INPP5F: variants seen among roughly 807,000 people sequenced by gnomAD.
INPP5F encodes phosphatidylinositide 4-phosphatase SAC2.
Under a neutral mutation model 137.2 loss-of-function variants are expected in INPP5F, and 97 were observed. The ratio of observed to expected loss-of-function variants is 0.71; its 90% CI spans 0.60 to 0.84. The LOEUF is 0.84. Among genes scored for constraint, INPP5F ranks in the 40% least tolerant of loss-of-function variants. The pLI is 0.00. For missense variants in INPP5F, 1,271 were observed against 1,371.9 expected (o/e 0.93, Z 1.16); for synonymous variants, 504 against 476.9 (o/e 1.06, Z -0.74).
At chr10:119,731,307 GT>G (rs1848057533) in intron 1 of INPP5F, among the ~76,000 whole-genome samples, 1 of 150,348 alleles carries the variant, frequency 6.7e-6, no homozygotes, top group African/African-American at 2.4e-5. Context: ...TTTATTTGGA[GT>G]TTTGTGGCAT....
At chr10:119,757,653 CT>C (rs1322345674) in intron 2 of INPP5F, among the ~76,000 whole-genome samples, 1 of 151,558 alleles carries the variant, frequency 6.6e-6, no homozygotes, top group Non-Finnish European at 1.5e-5. Flanking sequence ...TAGCTGGACA[CT>C]GTGGCATGCG....
At chr10:119,790,344 T>C (rs946255615) in intron 3 of INPP5F, among the ~76,000 whole-genome samples, 1 of 152,090 alleles carries the variant, frequency 6.6e-6, no homozygotes, top group African/African-American at 2.4e-5. Context: ...GTAATAGGAG[T>C]ATAAAGCTTT....
intron 2 of INPP5F, among the ~76,000 whole-genome samples, chr10:119,757,482 C>T (rs1848883625): frequency 6.6e-6 from 1 of 151,670 alleles, no homozygotes; most frequent in East Asian, 1.9e-4. Flanking sequence ...TTGTAGTATC[C>T]AGGAGGAAAT....
intron 1 of INPP5F, among the ~76,000 whole-genome samples, chr10:119,742,249 G>A (rs567350820): frequency 1.3e-5 from 2 of 151,652 alleles, no homozygotes; most frequent in Admixed American, 6.6e-5. Context: ...TCTGCCTCCC[G>A]GGTTCAAGCA....
At chr10:119,764,480 C>T (rs1261781950) in intron 2 of INPP5F, among the ~76,000 whole-genome samples, 2 of 152,162 alleles carry the variant, frequency 1.3e-5, no homozygotes, top group African/African-American at 2.4e-5. Context: ...CTCATCCTTC[C>T]TCTTCCTCAG....
intron 15 of INPP5F, among the ~76,000 whole-genome samples, chr10:119,817,215 A>G (rs1470591350): frequency 6.6e-6 from 1 of 152,162 alleles, no homozygotes; most frequent in Non-Finnish European, 1.5e-5. Flanking sequence ...TATAGACCAC[A>G]TTTTGTTCAT....
intron 1 of INPP5F, among the ~76,000 whole-genome samples, chr10:119,738,400 T>G (rs966307380): frequency 2.0e-5 from 3 of 152,232 alleles, no homozygotes; most frequent in African/African-American, 7.2e-5. Flanking sequence ...ACAATACATT[T>G]GTTGGATTAG....
In INPP5F at chr10:119,796,856, G is replaced by A; in HGVS notation, c.811G>A (p.Asp271Asn). 1 of 1,613,794 alleles carries A rather than the reference G, an allele frequency of 6.2e-7. No homozygotes were observed. Among genetic ancestry groups the A allele is most frequent in the Non-Finnish European group, 8.5e-7 (1 of 1,179,910 alleles). The stretch of plus-strand genomic sequence containing the variant: ...CCCTCAGGAGTCCACCTGTGTAGAT[G>A]ATATTCACCCACGATTTCTAGTGGC... The part of the protein sequence containing the change: ...TPPQESTCVD[D>N]IHPRFLVALI... The change falls in exon 7 of 20, where the codon GAT becomes AAT. Residue 271 changes from aspartate to asparagine, a missense_variant. Asp to Asn is a conservative substitution (Grantham distance 23). Around this residue, in one of 6 missense-constraint regions of INPP5F, gnomAD observed 593 missense variants for 712.4 expected, o/e 0.83. Coordinates refer to ENST00000650623, the MANE Select transcript of INPP5F (RefSeq NM_014937.4).
intron 1 of INPP5F, among the ~76,000 whole-genome samples, chr10:119,735,222 C>T (rs541584931): frequency 6.6e-6 from 1 of 152,256 alleles, no homozygotes; most frequent in Admixed American, 6.5e-5. Flanking sequence ...TTTGGTAAGT[C>T]TGAAATACAG....
intron 1 of INPP5F, among the ~76,000 whole-genome samples, chr10:119,746,164 G>A (rs935576047): frequency 3.3e-5 from 5 of 152,070 alleles, no homozygotes; most frequent in African/African-American, 1.2e-4. Flanking sequence ...CTGGTTCCTG[G>A]CAAGTACTTG....
intron 7 of INPP5F, 136 bp from the exon 8 acceptor site, chr10:119,797,325 A>G (rs1261523865): frequency 7.4e-6 from 5 of 679,638 alleles, no homozygotes; most frequent in Non-Finnish European, 1.2e-5. Flanking sequence ...GTAAGTTGAT[A>G]CTGTTCTGCT....
At position 119,781,614 on chromosome 10, in the gene INPP5F, A is replaced by G. The variant is rs764587834; in HGVS notation, c.179-21A>G. 2.3e-5 allele frequency: 36 copies of G among 1,593,506 alleles called. 3 individuals are homozygous for G. The South Asian group carries it at 3.9e-4, about 17-fold the overall frequency. ...TAGCACTCTAAAAACGCCAGACTTT[A>G]TTATGACTCTCCTCTTTCAGATCTT... On this transcript the variant is annotated intron_variant, in intron 2 of 19. Coordinates refer to ENST00000650623, the MANE Select transcript of INPP5F (RefSeq NM_014937.4).
rs558620120 is a variant in INPP5F at position 119,812,201 on chromosome 10, A to G, written c.1886+246A>G. Reference sequence around the variant, plus strand: ...GCAGTATTTGATTAAACAAAATTCAAATTGCCAAACTACAGCCTGCAGCTG... The same window carrying G: ...GCAGTATTTGATTAAACAAAATTCAGATTGCCAAACTACAGCCTGCAGCTG... On this transcript the variant is annotated intron_variant, in intron 15 of 19. Coordinates refer to ENST00000650623, the MANE Select transcript of INPP5F (RefSeq NM_014937.4). Among the ~76,000 whole-genome samples the G allele has an allele frequency of 1.8e-4, 28 of 152,316 alleles. No homozygotes were observed. In the South Asian group the frequency reaches 2.1e-3, roughly 11 times the overall value.
At chr10:119,807,911 C>T (rs1850858188) in intron 12 of INPP5F, 21 bp from the exon 13 acceptor site, 3 of 1,597,038 alleles carry the variant, frequency 1.9e-6, no homozygotes, top group East Asian at 2.2e-5. Flanking sequence ...TACAGTTAAT[C>T]CACCAATGTG....
chr10:119,750,923 T>A (rs780572240), intron 1 of INPP5F, among the ~76,000 whole-genome samples, 153 bp from the exon 2 acceptor site: 2 of 152,256 alleles, frequency 1.3e-5, no homozygotes, highest in Non-Finnish European at 2.9e-5. Flanking sequence ...ATTTAATACT[T>A]TGTCACAAAT....
At chr10:119,817,397 C>T (rs2134278198) in intron 15 of INPP5F, among the ~76,000 whole-genome samples, 1 of 152,296 alleles carries the variant, frequency 6.6e-6, no homozygotes, top group Non-Finnish European at 1.5e-5. Flanking sequence ...GAGAAACTGC[C>T]AAACTATTTT....
chr10:119,785,528 A>T (rs2134189715), intron 3 of INPP5F, among the ~76,000 whole-genome samples: 1 of 59,174 alleles, frequency 1.7e-5, no homozygotes, highest in Middle Eastern at 8.5e-3. Context: ...TGACCTTGTG[A>T]TCCGCTCGAG....
rs759786833 is a variant in INPP5F, at chr10:119,823,181, C to A, written c.2143C>A (p.Pro715Thr). 1.1e-5 allele frequency: 18 copies of A among 1,613,742 alleles called. 1 individual carries two copies. The South Asian group carries it at 2.0e-4, about 18-fold the overall frequency. ...CACATTGCGAGCTGTAATGCGTAAT[C>A]CTGAAGAGGATGGAAAAGGTAAAAA... ...FHTLRAVMRNPEEDGKDTLQC... is the reference protein window; with the variant it reads ...FHTLRAVMRNTEEDGKDTLQC... Residue 715 changes from proline (P) to threonine (T), a missense_variant, in exon 18 of 20, where the codon CCT (proline) becomes ACT (threonine). By Grantham distance (38) the Pro-to-Thr change is conservative. Around this residue, in one of 6 missense-constraint regions of INPP5F, gnomAD observed 593 missense variants for 712.4 expected, o/e 0.83. Coordinates refer to ENST00000650623, the MANE Select transcript of INPP5F (RefSeq NM_014937.4).
intron 2 of INPP5F, among the ~76,000 whole-genome samples, chr10:119,779,758 C>T (rs1328033032): frequency 6.6e-6 from 1 of 152,122 alleles, no homozygotes; most frequent in Admixed American, 6.5e-5. Flanking sequence ...TTAACCTTAG[C>T]TTACTGTAAC....
Sources: gnomAD v4.1 joint callset for allele counts (sites outside exome capture counted in the v4.1 genomes callset) on GRCh38, gnomAD v4.1.1 for gene constraint, gnomAD v4.1.1 regional missense constraint, MANE v1.5 for transcripts, NCBI Gene and HGNC (gene_info 2026-07-23, HGNC 2026-07-21) for gene names.